The following ACAD10 variants were observed in gnomAD, a reference collection of about 807,000 sequenced individuals.
The protein encoded by ACAD10 is ACAD-10.
ACAD10 carries 112 observed loss-of-function variants against 116.8 expected under a neutral mutation model. That is an observed-to-expected ratio of 0.96 (90% CI 0.82 to 1.12). The LOEUF (loss-of-function observed/expected upper bound fraction) is 1.12, where lower values mean the gene tolerates loss of function less well. ACAD10 is among the 50% of genes most tolerant of loss of function. ACAD10 has a pLI of 0.00. For missense variants in ACAD10, 1,259 were observed against 1,350.2 expected (o/e 0.93, Z 1.06); for synonymous variants, 486 against 510.6 (o/e 0.95, Z 0.65).
In ACAD10 at chr12:111,740,163, T is replaced by C. The variant is rs1889689908; in HGVS notation, c.1714+3159T>C. Among the ~76,000 whole-genome samples the C allele has an allele frequency of 2.0e-5, 3 of 152,048 alleles. No homozygotes were observed. In the South Asian group the frequency reaches 6.2e-4, roughly 32 times the overall value. ...CTCTCCTCTCTACTCCTGTGTGTCT[T>C]TGAAATTTTCCAAAAGGAGGCCAGT... On this transcript the variant is annotated intron_variant, in intron 12 of 20. Coordinates refer to ENST00000313698, the MANE Select transcript of ACAD10 (RefSeq NM_025247.6).
chr12:111,751,633 AG>A (rs1394458413), intron 18 of ACAD10, among the ~76,000 whole-genome samples: 1 of 152,074 alleles, frequency 6.6e-6, no homozygotes, highest in Non-Finnish European at 1.5e-5. Flanking sequence ...TGGGAGGCTG[AG>A]GCAGGAGGAT....
chr12:111,691,653 T>C (rs551872560), intron 1 of ACAD10, among the ~76,000 whole-genome samples: 5 of 150,604 alleles, frequency 3.3e-5, no homozygotes, highest in South Asian at 4.2e-4. Context: ...TGGAGTGCAG[T>C]GGCACAATCT....
chr12:111,717,109 C>CT (rs1024378441), intron 7 of ACAD10, among the ~76,000 whole-genome samples: 3 of 152,014 alleles, frequency 2.0e-5, no homozygotes, highest in African/African-American at 7.2e-5. Flanking sequence ...AAAAGTAAGC[C>CT]TTAAAGAAAC....
chr12:111,735,781 T>C (rs1209510013), intron 11 of ACAD10, among the ~76,000 whole-genome samples: 1 of 152,004 alleles, frequency 6.6e-6, no homozygotes, highest in Non-Finnish European at 1.5e-5. Flanking sequence ...TTGCTATAAT[T>C]ATCATTTTCA....
intron 16 of ACAD10, among the ~76,000 whole-genome samples, chr12:111,748,108 T>TAA (rs1158767574): frequency 3.9e-5 from 6 of 152,218 alleles, no homozygotes; most frequent in African/African-American, 1.4e-4. Flanking sequence ...AACTTGCTCT[T>TAA]ATGATGTTGG....
At chr12:111,688,615 A>G (rs2135939089) in intron 1 of ACAD10, among the ~76,000 whole-genome samples, 1 of 151,852 alleles carries the variant, frequency 6.6e-6, no homozygotes, top group African/African-American at 2.4e-5. Context: ...CAGCCTGGCC[A>G]ACATGGTTAA....
intron 10 of ACAD10, 108 bp from the exon 11 acceptor site, chr12:111,733,815 G>T: frequency 7.1e-7 from 1 of 1,407,238 alleles, no homozygotes; most frequent in East Asian, 2.3e-5. Context: ...GGGCACAGAG[G>T]GGATGGGAGG....
rs148916399 is a variant in ACAD10 at position 111,741,986 on chromosome 12, C to T, written c.1715-2657C>T. ...AGATTAACAGTATGTACCTGCCCAG[C>T]CCATGTGTCCTTCTCCTTCCTTAAT... On this transcript the variant is annotated intron_variant, in intron 12 of 20. Transcript: ENST00000313698. Among the ~76,000 whole-genome samples, 803 of 152,268 alleles carry T rather than the reference C, an allele frequency of 5.3e-3. 10 individuals carry two copies. Among genetic ancestry groups the T allele is most frequent in the South Asian group, 0.028 (136 of 4,824 alleles).
chr12:111,737,328 C>T (rs1889597080), intron 12 of ACAD10, among the ~76,000 whole-genome samples: 1 of 151,938 alleles, frequency 6.6e-6, no homozygotes, highest in Non-Finnish European at 1.5e-5. Flanking sequence ...GACTACAGGC[C>T]TGCGCCACCA....
intron 10 of ACAD10, among the ~76,000 whole-genome samples, chr12:111,733,492 G>C (rs559411010): frequency 6.6e-6 from 1 of 152,184 alleles, no homozygotes; most frequent in Non-Finnish European, 1.5e-5. Context: ...CTAGTTTCAG[G>C]AATCCCTCAG....
At chr12:111,718,544 ATC>A (rs765398044) in intron 7 of ACAD10, among the ~76,000 whole-genome samples, 7 of 151,870 alleles carry the variant, frequency 4.6e-5, no homozygotes, top group Non-Finnish European at 8.8e-5. Context: ...CAGTGGCGCA[ATC>A]TCGGCTCACT....
intron 7 of ACAD10, among the ~76,000 whole-genome samples, chr12:111,719,882 C>G (rs999208483): frequency 1.3e-5 from 2 of 152,048 alleles, no homozygotes; most frequent in African/African-American, 2.4e-5. Context: ...TGCCCACCAC[C>G]ACTCCTGGCT....
chr12:111,702,885 GGAGTTTGAGAC>G (rs567361639), intron 3 of ACAD10, among the ~76,000 whole-genome samples: 299 of 152,056 alleles, frequency 2.0e-3, no homozygotes, highest in African/African-American at 6.1e-3. Context: ...TTTGAACTCT[GGAGTTTGAGAC>G]CAGCTTAGGC....
intron 12 of ACAD10, among the ~76,000 whole-genome samples, chr12:111,740,898 A>G (rs1033105118): frequency 6.6e-6 from 1 of 152,114 alleles, no homozygotes; most frequent in African/African-American, 2.4e-5. Context: ...GCTAGTGCTG[A>G]TGGAGTGTTT....
rs1234835448 is a variant in ACAD10 at position 111,712,648 on chromosome 12, C to T, written c.841C>T (p.Gln281Ter). The change falls in exon 6 of 21, where the codon CAG (glutamine) becomes TAG (stop). Residue 281 changes from glutamine (Q) to a stop codon, truncating the protein, a stop_gained. Coordinates refer to ENST00000313698, the MANE Select transcript of ACAD10 (RefSeq NM_025247.6). LOFTEE classifies it high-confidence loss of function. ...GTACCTCAAAGACTTACTGGGTATC[C>T]AGACCACAGGTATGTGGGCTTCTTT... ...QKYLKDLLGI[Q>*]TTGPLELLQF... The T allele has an allele frequency of 5.6e-6, 9 of 1,613,896 alleles. No individual in the cohort carries two copies. Among genetic ancestry groups the T allele is most frequent in the Non-Finnish European group, 2.5e-6 (3 of 1,179,980 alleles).
Position 111,744,913 on chromosome 12 carries a change from C to G in ACAD10, c.1985C>G (p.Pro662Arg), listed in dbSNP as rs751888931. ...LVISPESLSP[P>R]VRELYHRLKH... ...ATCTCTCCAGAGAGCCTCTCTCCAC[C>G]TGTCAGAGAGCTGTATCACCGGCTG... The change falls in exon 13 of 21, where the codon CCT becomes CGT. Residue 662 changes from proline (P) to arginine (R), a missense_variant. Physicochemically the swap from Pro to Arg is moderately radical, Grantham distance 103. Coordinates refer to ENST00000313698, the MANE Select transcript of ACAD10 (RefSeq NM_025247.6). 6.2e-7 allele frequency: 1 copy of G among 1,614,174 alleles called. No individual in the cohort carries two copies. The highest frequency in any genetic ancestry group is 8.5e-7 in the Non-Finnish European group (1 of 1,180,040).
rs113789091 is a variant in ACAD10, at chr12:111,729,747, T to C, written c.1244-59T>C. 23 of 1,583,006 alleles carry C rather than the reference T, an allele frequency of 1.5e-5. 1 individual carries two copies. The highest frequency in any genetic ancestry group is 1.2e-4 in the African/African-American group (9 of 74,250). On this transcript the variant is annotated intron_variant, in intron 9 of 20. Transcript: ENST00000313698. ...GGGTTTCACTGCACTGGTTTTTTTT[T>C]CCGCTACTTTCAGAGGTTGCTGAAA... is the stretch of plus-strand genomic sequence containing the variant.
rs572675702 is a variant in ACAD10, at chr12:111,717,891, A to G, written c.992+1929A>G. On this transcript the variant is annotated intron_variant, in intron 7 of 20. Coordinates refer to ENST00000313698, the MANE Select transcript of ACAD10 (RefSeq NM_025247.6). ...AATTCAATTTAACAAAAATGTTGTT[A>G]CTCAGATATTTTATTTCATCTTGTT... Among the ~76,000 whole-genome samples, 16 of 152,140 alleles carry G rather than the reference A, an allele frequency of 1.1e-4. No individual in the cohort carries two copies. The East Asian group carries it at 1.9e-3, about 18-fold the overall frequency.
At chr12:111,736,794 C>G (rs763571367) in intron 11 of ACAD10, 37 bp from the exon 12 acceptor site, 31 of 1,588,050 alleles carry the variant, frequency 2.0e-5, no homozygotes, top group Non-Finnish European at 2.5e-5. Context: ...CGTGTCACGT[C>G]AGTGACTACC....
Sources: allele counts gnomAD v4.1 joint callset (sites outside exome capture counted in the v4.1 genomes callset), GRCh38; gene constraint gnomAD v4.1.1; transcripts MANE v1.5; gene names NCBI Gene and HGNC (gene_info 2026-07-23, HGNC 2026-07-21).